The following JMJD1C variants were observed in gnomAD, a reference collection of about 807,000 sequenced individuals.
JMJD1C encodes the protein jumonji domain containing 1C, also known as jumonji domain-containing protein 1C.
JMJD1C carries 31 observed loss-of-function variants against 245.3 expected under a neutral mutation model. The observed-to-expected ratio is 0.13, with a 90% CI of 0.09 to 0.17. JMJD1C has a LOEUF of 0.17. JMJD1C is among the 10% of genes least tolerant of loss of function. JMJD1C has a pLI of 1.00. For synonymous variants in JMJD1C, 1,057 were observed against 1,017.4 expected (o/e 1.04, Z -0.74); for missense variants, 2,691 against 3,000.2 (o/e 0.90, Z 2.41).
intron 1 of JMJD1C, among the ~76,000 whole-genome samples, chr10:63,413,222 G>T (rs1385873320): frequency 6.6e-6 from 1 of 152,100 alleles, no homozygotes; most frequent in Non-Finnish European, 1.5e-5. Flanking sequence ...GAGGTAACAG[G>T]AAAAGAGGTC....
intron 22 of JMJD1C, among the ~76,000 whole-genome samples, chr10:63,179,463 A>G (rs1843215366): frequency 4.6e-5 from 7 of 151,832 alleles, no homozygotes; most frequent in Admixed American, 4.6e-4. Context: ...ACACAATGGA[A>G]TACTATTTAG....
chr10:63,508,405 G>C (rs1954783919), intron 1 of JMJD1C, among the ~76,000 whole-genome samples: 1 of 152,060 alleles, frequency 6.6e-6, no homozygotes, highest in Non-Finnish European at 1.5e-5. Context: ...TCTTGAACTT[G>C]GGCAGTGTCA....
At chr10:63,287,390 C>T (rs972888797) in intron 2 of JMJD1C, among the ~76,000 whole-genome samples, 2 of 152,204 alleles carry the variant, frequency 1.3e-5, no homozygotes, top group African/African-American at 4.8e-5. Context: ...AGTCTCAATA[C>T]ATTGATATCA....
At chr10:63,521,534 GC>G in intron 1 of JMJD1C, 1 of 1,417,118 alleles carries the variant, frequency 7.1e-7, no homozygotes, top group Non-Finnish European at 9.3e-7. Flanking sequence ...TGGGGCCCAA[GC>G]CCCCGTGAAG....
chr10:63,382,873 G>GTTTA, intron 1 of JMJD1C: 1 of 455,746 alleles, frequency 2.2e-6, no homozygotes, highest in Non-Finnish European at 4.4e-6. Flanking sequence ...CTTCCATGAT[G>GTTTA]TTTACATCCC....
intron 3 of JMJD1C, among the ~76,000 whole-genome samples, chr10:63,259,120 C>A (rs1281783646): frequency 1.3e-5 from 2 of 152,190 alleles, no homozygotes; most frequent in African/African-American, 4.8e-5. Flanking sequence ...AGCACTGTAA[C>A]AGGAAGTTCT....
At chr10:63,494,801 G>A (rs1954302685) in intron 1 of JMJD1C, among the ~76,000 whole-genome samples, 1 of 152,128 alleles carries the variant, frequency 6.6e-6, no homozygotes. Context: ...TTATTGATGA[G>A]GAAACTGAGG....
At chr10:63,247,131 C>CA (rs748433358) in intron 3 of JMJD1C, among the ~76,000 whole-genome samples, 3 of 137,950 alleles carry the variant, frequency 2.2e-5, no homozygotes, top group East Asian at 2.2e-4. Flanking sequence ...AACAAAAAAA[C>CA]AAAAAACAGA....
chr10:63,412,377 C>A (rs1295996399), intron 1 of JMJD1C, among the ~76,000 whole-genome samples: 2 of 152,148 alleles, frequency 1.3e-5, no homozygotes, highest in Admixed American at 1.3e-4. Context: ...TGGTATCATT[C>A]GAAGTTTGCG....
chr10:63,367,371 C>A (rs376868579), intron 2 of JMJD1C, among the ~76,000 whole-genome samples: 81 of 152,182 alleles, frequency 5.3e-4, no homozygotes, highest in African/African-American at 1.9e-3. Context: ...CTCAGCCTCC[C>A]GAGTAGCTAG....
intron 1 of JMJD1C, among the ~76,000 whole-genome samples, chr10:63,458,485 A>T (rs563511831): frequency 0.017 from 2,424 of 140,720 alleles, 31 homozygotes; most frequent in Middle Eastern, 0.033. Flanking sequence ...CCCTGTCTTT[A>T]AAAAAAAAAA....
chr10:63,468,999 A>T (rs184269087), upstream of JMJD1C, among the ~76,000 whole-genome samples: 827 of 152,156 alleles, frequency 5.4e-3, 30 homozygotes, highest in East Asian at 0.1. Flanking sequence ...TTGTTTTTTT[A>T]AAAAACTGAC....
At chr10:63,329,305 A>C (rs1320364178) in intron 2 of JMJD1C, among the ~76,000 whole-genome samples, 1 of 151,846 alleles carries the variant, frequency 6.6e-6, no homozygotes, top group East Asian at 1.9e-4. Flanking sequence ...AGAAAGAAAG[A>C]AAGAAAAAAG....
intron 1 of JMJD1C, among the ~76,000 whole-genome samples, chr10:63,480,323 A>T (rs1490034502): frequency 4.1e-5 from 6 of 145,980 alleles, no homozygotes; most frequent in African/African-American, 1.3e-4. Context: ...CTATAGTTTG[A>T]TTTTTTTTTT....
In JMJD1C at chr10:63,428,671, A is replaced by G. The variant is rs181014476; in HGVS notation, c.168+36824T>C. On this transcript the variant is annotated intron_variant, in intron 1 of 25. Transcript: ENST00000399262. ...ACCAGTTAGACTATGGAAACAAAAC[A>G]TAAAAGAAAATTAAGAACAATGAAA... is the stretch of plus-strand genomic sequence containing the variant. Among the ~76,000 whole-genome samples, 449 of 152,346 alleles carry G rather than the reference A, an allele frequency of 2.9e-3. 2 individuals are homozygous for G. Among genetic ancestry groups the G allele is most frequent in the Non-Finnish European group, 4.5e-3 (304 of 68,032 alleles).
chr10:63,355,070 G>A (rs1323888370), intron 2 of JMJD1C, among the ~76,000 whole-genome samples: 3 of 151,826 alleles, frequency 2.0e-5, no homozygotes, highest in Non-Finnish European at 4.4e-5. Flanking sequence ...GCACAATGCT[G>A]AGTAAGATAG....
Position 63,283,072 on chromosome 10 carries a change from A to G in JMJD1C, c.334-18308T>C, listed in dbSNP as rs889707686. The stretch of plus-strand genomic sequence containing the variant: ...ACTGAAGTCCTGTCCCTCTAAAGGA[A>G]TAAGACAAGAGTCCCAGATCTAACT... On this transcript the variant is annotated intron_variant, in intron 2 of 25. Transcript: ENST00000399262. 1.2e-4 allele frequency among the ~76,000 whole-genome samples: 19 copies of G among 152,282 alleles called. 1 individual carries two copies. The highest frequency in any genetic ancestry group is 6.8e-3 in the Middle Eastern group (2 of 294).
intron 2 of JMJD1C, among the ~76,000 whole-genome samples, chr10:63,303,480 A>G (rs1860337841): frequency 6.6e-6 from 1 of 152,108 alleles, no homozygotes; most frequent in African/African-American, 2.4e-5. Context: ...TAATTTTTGT[A>G]TTTTTAGTAG....
chr10:63,341,130 A>G (rs1943339166), intron 2 of JMJD1C, among the ~76,000 whole-genome samples: 1 of 152,182 alleles, frequency 6.6e-6, no homozygotes, highest in Non-Finnish European at 1.5e-5. Context: ...ACAAGCAAAT[A>G]TCCATCCGGA....
Sources: allele counts gnomAD v4.1 joint callset (sites outside exome capture counted in the v4.1 genomes callset), GRCh38; gene constraint gnomAD v4.1.1; transcripts MANE v1.5; gene names NCBI Gene and HGNC (gene_info 2026-07-23, HGNC 2026-07-21).